Variants in MYO19 observed in about 807,000 individuals in gnomAD.
MYO19 encodes myosin XIX.
A neutral mutation model predicts 129.2 loss-of-function variants in MYO19; 132 were observed. The observed-to-expected ratio is 1.02, with a 90% CI of 0.89 to 1.18. MYO19 has a LOEUF of 1.18. Among genes scored for constraint, MYO19 ranks in the 50% most tolerant of loss-of-function variants. The pLI, the probability that MYO19 is intolerant of heterozygous loss-of-function variation, is 0.00. For synonymous variants in MYO19, 531 were observed against 477.2 expected (o/e 1.11, Z -1.47); for missense variants, 1,210 against 1,216.7 (o/e 0.99, Z 0.08).
chr17:36,503,649 G>A (rs1044002468), intron 20 of MYO19, among the ~76,000 whole-genome samples: 1 of 152,222 alleles, frequency 6.6e-6, no homozygotes, highest in Non-Finnish European at 1.5e-5. Context: ...GACAGCTGCT[G>A]GCACCTGATA....
chr17:36,501,112 G>A lies in MYO19; in HGVS notation c.2204C>T (p.Pro735Leu). The A allele has an allele frequency of 6.2e-7, 1 of 1,614,000 alleles. No individual in the cohort carries two copies. The highest frequency in any genetic ancestry group is 8.5e-7 in the Non-Finnish European group (1 of 1,179,884). Residue 735 changes from proline to leucine, a missense_variant, in exon 22 of 26, where the codon CCC becomes CTC. Transcript: ENST00000614623. ...TGDSAEAMPA[P>L]MHCGRTKVFM... is the part of the protein sequence containing the mutation. The stretch of plus-strand genomic sequence containing the variant: ...CACCTTGGTCCTGCCACAGTGCATG[G>A]GGGCTGGCATGGCCTCAGCCGAGTC...
At chr17:36,500,749 G>C in intron 23 of MYO19, 81 bp downstream of exon 23, 1 of 1,506,016 alleles carries the variant, frequency 6.6e-7, no homozygotes, top group Non-Finnish European at 8.9e-7. Context: ...AGGAGATGGG[G>C]ACTCGACGAG....
intron 11 of MYO19, 93 bp from the exon 12 acceptor site, chr17:36,511,548 CAGA>C (rs1387160801): frequency 4.5e-6 from 5 of 1,109,464 alleles, no homozygotes; most frequent in Non-Finnish European, 6.7e-6. Flanking sequence ...ATCACGACAG[CAGA>C]AGGGCAGCTC....
chr17:36,498,633 T>C, intron 24 of MYO19, 74 bp from the exon 25 acceptor site: 2 of 1,451,636 alleles, frequency 1.4e-6, no homozygotes, highest in Non-Finnish European at 1.8e-6. Context: ...ATCAAAACTA[T>C]CTTTAACAAA....
At chr17:36,525,684 G>A (rs920538783) in intron 5 of MYO19, among the ~76,000 whole-genome samples, 4 of 152,122 alleles carry the variant, frequency 2.6e-5, no homozygotes, top group African/African-American at 9.7e-5. Context: ...CTACTAAGAA[G>A]CCTGTCCACT....
rs1214172301 is a variant in MYO19, at chr17:36,496,444, C to CAT, written c.2758-39_2758-38insAT. The CAT allele has an allele frequency of 1.4e-5, 22 of 1,607,150 alleles. No individual in the cohort carries two copies. In the African/African-American group the frequency reaches 2.9e-4, roughly 21 times the overall value. On this transcript the variant is annotated intron_variant, in intron 25 of 25. Coordinates refer to ENST00000614623, the MANE Select transcript of MYO19 (RefSeq NM_001163735.2). ...GAGAGATGCAGCTTTAGCACTAGTT[C>CAT]CTGGGAGTGCCAGGGCCTAACAACC... is the stretch of plus-strand genomic sequence containing the variant.
At chr17:36,536,755 TC>T (rs1297328078), upstream of MYO19, among the ~76,000 whole-genome samples, 1 of 152,210 alleles carries the variant, frequency 6.6e-6, no homozygotes, top group Admixed American at 6.5e-5. Context: ...CCTCAGGTGA[TC>T]CTCCCACCTC....
intron 6 of MYO19, among the ~76,000 whole-genome samples, chr17:36,524,714 C>T (rs1229049233): frequency 6.6e-6 from 1 of 152,218 alleles, no homozygotes; most frequent in Non-Finnish European, 1.5e-5. Context: ...ACCCCAGCTA[C>T]TTTGGAGGAG....
rs1328096720 is a variant in MYO19, at chr17:36,496,030, G to A, written c.*221C>T. 7 of 782,970 alleles carry A rather than the reference G, an allele frequency of 8.9e-6. No individual in the cohort carries two copies. The highest frequency in any genetic ancestry group is 1.3e-5 in the Non-Finnish European group (7 of 528,628). The allele number at this position is 782,970 out of a possible 1,614,324, so 48.5% of individuals were successfully genotyped here. On this transcript the variant is annotated 3_prime_UTR_variant, in exon 26 of 26. Coordinates refer to ENST00000614623, the MANE Select transcript of MYO19 (RefSeq NM_001163735.2). ...CCCTGATGTTTCTTAACCCTGATTT[G>A]GTAACTACCAGCCCTGACACCATCA... is the stretch of plus-strand genomic sequence containing the variant.
chr17:36,509,020 C>G, intron 14 of MYO19, 42 bp downstream of exon 14: 1 of 1,578,040 alleles, frequency 6.3e-7, no homozygotes, highest in Non-Finnish European at 8.7e-7. Context: ...GGCTTTATTG[C>G]TCTTTTTCTG....
intron 20 of MYO19, among the ~76,000 whole-genome samples, chr17:36,503,683 G>C (rs1002381922): frequency 3.3e-5 from 5 of 152,254 alleles, no homozygotes; most frequent in African/African-American, 1.2e-4. Flanking sequence ...CCAATTGCTT[G>C]TCAGCCCTCC....
chr17:36,525,430 C>T, intron 5 of MYO19, 89 bp from the exon 6 acceptor site: 1 of 970,020 alleles, frequency 1.0e-6, no homozygotes. Context: ...GGGGAGGCTG[C>T]CAATAGCAGT....
intron 6 of MYO19, among the ~76,000 whole-genome samples, chr17:36,516,757 G>A (rs192562285): frequency 6.6e-6 from 1 of 152,300 alleles, no homozygotes; most frequent in Non-Finnish European, 1.5e-5. Context: ...TTGTGGCTAG[G>A]ACATAGAAAT....
chr17:36,511,421 T>A lies in MYO19; in HGVS notation c.929A>T (p.Gln310Leu), dbSNP rs745514494. ...GGCTTCATCCTCGGAGGCAGCAAAC[T>A]GGATATTGCCAAGGTGCAGCAGTCC... ...LAGLLHLGNI[Q>L]FAASEDEAQP... The change falls in exon 12 of 26, where the codon CAG (glutamine) becomes CTG (leucine). Residue 310 changes from glutamine to leucine, a missense_variant. Coordinates refer to ENST00000614623, the MANE Select transcript of MYO19 (RefSeq NM_001163735.2). 4 of 1,571,002 alleles carry A rather than the reference T, an allele frequency of 2.5e-6. No individual in the cohort carries two copies. In the South Asian group the frequency reaches 4.7e-5, roughly 18 times the overall value.
At chr17:36,536,340 A>C (rs550015705), upstream of MYO19, among the ~76,000 whole-genome samples, 2 of 152,282 alleles carry the variant, frequency 1.3e-5, no homozygotes, top group South Asian at 4.1e-4. Context: ...CCCCAACTTC[A>C]AAATGTACTT....
chr17:36,509,226 T>A, intron 13 of MYO19, 91 bp from the exon 14 acceptor site: 1 of 1,109,144 alleles, frequency 9.0e-7, no homozygotes, highest in Non-Finnish European at 1.4e-6. Context: ...TGCTACACCC[T>A]GGGGGGCCCT....
At chr17:36,507,735 G>A in intron 15 of MYO19, 68 bp downstream of exon 15, 1 of 1,495,094 alleles carries the variant, frequency 6.7e-7, no homozygotes, top group Non-Finnish European at 8.9e-7. Context: ...CTGGACTGGG[G>A]CTGGAAGGTC....
At chr17:36,497,690 T>C in intron 25 of MYO19, 2 of 287,394 alleles carry the variant, frequency 7.0e-6, no homozygotes, top group Non-Finnish European at 1.0e-5. Flanking sequence ...ATTCAAGCAA[T>C]TCTCATGCCT....
chr17:36,527,627 A>G lies in MYO19; in HGVS notation c.224T>C (p.Leu75Ser), dbSNP rs765483599. Residue 75 changes from leucine to serine, a missense_variant, in exon 5 of 26, where the codon TTG (leucine) becomes TCG (serine). Leu to Ser is a moderately radical substitution (Grantham distance 145, BLOSUM62 -2). Coordinates refer to ENST00000614623, the MANE Select transcript of MYO19 (RefSeq NM_001163735.2). Reference sequence around the variant, plus strand: ...CTGAGGAACAGGCTTGAAGGGGTTCAAGGCTACCAGGGTGCAGCCAGCATT... The same window carrying G: ...CTGAGGAACAGGCTTGAAGGGGTTCGAGGCTACCAGGGTGCAGCCAGCATT... ...YTNAGCTLVA[L>S]NPFKPVPQLY... The G allele has an allele frequency of 3.7e-6, 6 of 1,613,850 alleles. No homozygotes were observed. In the African/African-American group the frequency reaches 6.7e-5, roughly 18 times the overall value.
Sources: gnomAD v4.1 joint callset for allele counts (sites outside exome capture counted in the v4.1 genomes callset) on GRCh38, gnomAD v4.1.1 for gene constraint, MANE v1.5 for transcripts, NCBI Gene and HGNC (gene_info 2026-07-23, HGNC 2026-07-21) for gene names.